TNR: variants seen among roughly 807,000 people sequenced by gnomAD.
The protein encoded by TNR is tenascin-R.
A neutral mutation model predicts 150.4 loss-of-function variants in TNR; 45 were observed. The observed-to-expected ratio is 0.30, with a 90% CI of 0.24 to 0.38. TNR has a LOEUF of 0.38. Ranked by LOEUF, TNR falls within the 10% of genes least tolerant of loss-of-function variation. The pLI is 1.00. For missense variants in TNR, 1,544 were observed against 1,759.1 expected, an observed-to-expected ratio of 0.88 and a Z score of 2.19; for synonymous variants, 687 against 678.4, an observed-to-expected ratio of 1.01 and a Z score of -0.20.
intron 1 of TNR, among the ~76,000 whole-genome samples, chr1:175,569,691 T>G (rs1661786284): frequency 6.6e-6 from 1 of 152,230 alleles, no homozygotes; most frequent in African/African-American, 2.4e-5. Context: ...CTCCATTTAT[T>G]CACTCATTCA....
chr1:175,445,459 G>C (rs1208574371), intron 2 of TNR, among the ~76,000 whole-genome samples: 1 of 151,850 alleles, frequency 6.6e-6, no homozygotes, highest in African/African-American at 2.4e-5. Context: ...TCCATTTCTT[G>C]GTCTCTCTGT....
chr1:175,403,660 C>G, intron 3 of TNR, 44 bp from the exon 4 acceptor site: 2 of 1,516,454 alleles, frequency 1.3e-6, no homozygotes, highest in Non-Finnish European at 1.8e-6. Context: ...AGTGGCCTCT[C>G]CTGTCAATGG....
intron 2 of TNR, among the ~76,000 whole-genome samples, chr1:175,480,408 G>GAGAGAAAGAAA (rs1657738924): frequency 7.3e-6 from 1 of 136,282 alleles, no homozygotes; most frequent in Non-Finnish European, 1.6e-5. Flanking sequence ...AAAGAAAAAA[G>GAGAGAAAGAAA]AAAGAAAGAA....
chr1:175,487,030 G>A (rs1658046523), intron 2 of TNR, among the ~76,000 whole-genome samples: 1 of 152,172 alleles, frequency 6.6e-6, no homozygotes, highest in South Asian at 2.1e-4. Context: ...TTAGCCCTTT[G>A]TCAGATGGGT....
chr1:175,741,509 A>G (rs1326450368), intron 1 of TNR, among the ~76,000 whole-genome samples: 5 of 152,194 alleles, frequency 3.3e-5, no homozygotes, highest in Non-Finnish European at 1.5e-5. Flanking sequence ...GATTTCAAGG[A>G]CAGGAGGTTT....
At chr1:175,485,626 T>A (rs35628064) in intron 2 of TNR, among the ~76,000 whole-genome samples, 1 of 152,018 alleles carries the variant, frequency 6.6e-6, no homozygotes, top group Non-Finnish European at 1.5e-5. Flanking sequence ...CTGCCACACA[T>A]GCTGGATCCT....
intron 1 of TNR, among the ~76,000 whole-genome samples, chr1:175,542,485 T>A (rs1299264162): frequency 6.6e-6 from 1 of 152,216 alleles, no homozygotes; most frequent in Non-Finnish European, 1.5e-5. Flanking sequence ...AATAAATGAA[T>A]GAACAAATGA....
intron 1 of TNR, among the ~76,000 whole-genome samples, chr1:175,553,443 C>A (rs1339248890): frequency 1.3e-5 from 2 of 152,180 alleles, no homozygotes; most frequent in African/African-American, 4.8e-5. Context: ...ATTTCCTCTT[C>A]CAGCCGTTTA....
intron 1 of TNR, among the ~76,000 whole-genome samples, chr1:175,561,995 G>C (rs10913007): frequency 0.094 from 14,317 of 152,154 alleles, 729 homozygotes; most frequent in Middle Eastern, 0.14. Flanking sequence ...ACTTCCAGCC[G>C]TGAAATATGA....
At chr1:175,437,601 A>T (rs1655567945) in intron 2 of TNR, among the ~76,000 whole-genome samples, 1 of 152,224 alleles carries the variant, frequency 6.6e-6, no homozygotes, top group African/African-American at 2.4e-5. Context: ...TGGTTTTTTG[A>T]AAAGATCAAC....
rs545310863 is a variant in TNR at position 175,462,397 on chromosome 1, T to G, written c.-63-55620A>C. ...CTTGTGTGTACCGAAAACATTTTGA[T>G]AAACGGGGAGGGAGAAAAAATCAAA... On this transcript the variant is annotated intron_variant, in intron 2 of 22. Transcript: ENST00000367674. 4.6e-5 allele frequency among the ~76,000 whole-genome samples: 7 copies of G among 152,236 alleles called. No homozygotes were observed. The South Asian group carries it at 1.5e-3, about 32-fold the overall frequency.
chr1:175,402,359 T>C (rs1054623690), intron 4 of TNR, among the ~76,000 whole-genome samples: 299 of 125,672 alleles, frequency 2.4e-3, no homozygotes, highest in Non-Finnish European at 4.5e-3. Context: ...CCCAATGAGA[T>C]ACTTTTTTTT....
chr1:175,339,952 A>G (rs1171507906), intron 18 of TNR, among the ~76,000 whole-genome samples: 1 of 152,242 alleles, frequency 6.6e-6, no homozygotes, highest in East Asian at 1.9e-4. Context: ...AGGCTCAAAC[A>G]TATTAGTTGC....
intron 1 of TNR, among the ~76,000 whole-genome samples, chr1:175,577,263 C>T (rs1352385780): frequency 6.6e-6 from 1 of 152,164 alleles, no homozygotes; most frequent in Admixed American, 6.5e-5. Context: ...ACTTCCCCCA[C>T]AGTTTGTTGG....
rs188582847 is a variant in TNR, at chr1:175,444,605, G to T, written c.-63-37828C>A. On this transcript the variant is annotated intron_variant, in intron 2 of 22. Transcript: ENST00000367674. ...TTTATTCACTCATTCATTCAAGATG[G>T]CAAGTAGCATTCTTATGGCTAGAAT... Among the ~76,000 whole-genome samples the T allele has an allele frequency of 6.6e-5, 10 of 152,282 alleles. No individual in the cohort carries two copies. In the East Asian group the frequency reaches 1.7e-3, roughly 26 times the overall value.
intron 20 of TNR, among the ~76,000 whole-genome samples, chr1:175,334,422 T>C (rs1650121153): frequency 6.6e-6 from 1 of 152,238 alleles, no homozygotes; most frequent in Non-Finnish European, 1.5e-5. Context: ...ACGGAGGGAT[T>C]TGAGTTCTGC....
intron 1 of TNR, among the ~76,000 whole-genome samples, chr1:175,646,932 A>G (rs1439492717): frequency 6.6e-6 from 1 of 152,182 alleles, no homozygotes; most frequent in East Asian, 1.9e-4. Context: ...AGACTTGCTC[A>G]AGGTACCACA....
chr1:175,472,284 C>A (rs898784596), intron 2 of TNR, among the ~76,000 whole-genome samples: 2 of 152,078 alleles, frequency 1.3e-5, no homozygotes, highest in African/African-American at 4.8e-5. Context: ...GTTGTCAACC[C>A]CTGTGATAAC....
At chr1:175,561,418 C>A (rs1249712173) in intron 1 of TNR, among the ~76,000 whole-genome samples, 1 of 152,192 alleles carries the variant, frequency 6.6e-6, no homozygotes. Context: ...CCAGCCCCAC[C>A]TCCTATGATT....
Sources: allele counts gnomAD v4.1 joint callset (sites outside exome capture counted in the v4.1 genomes callset), GRCh38; gene constraint gnomAD v4.1.1; transcripts MANE v1.5; gene names NCBI Gene and HGNC (gene_info 2026-07-23, HGNC 2026-07-21).